The following LCORL variants were observed in gnomAD, a reference collection of about 807,000 sequenced individuals.
The protein encoded by LCORL is ligand-dependent nuclear receptor corepressor-like protein.
LCORL carries 41 observed loss-of-function variants against 141.8 expected under a neutral mutation model. That is an observed-to-expected ratio of 0.29 (90% CI 0.23 to 0.38). The LOEUF is 0.38. Among genes scored for constraint, LCORL ranks in the 10% least tolerant of loss-of-function variants. The pLI is 1.00. For synonymous variants in LCORL, 618 were observed against 694.1 expected (o/e 0.89, Z 1.72); for missense variants, 1,759 against 2,035.0 (o/e 0.86, Z 2.61).
At chr4:17,944,347 A>AT (rs2109496728) in intron 4 of LCORL, among the ~76,000 whole-genome samples, 1 of 152,178 alleles carries the variant, frequency 6.6e-6, no homozygotes, top group African/African-American at 2.4e-5. Flanking sequence ...CCCATTCCAC[A>AT]TTTTTTAACT....
chr4:17,877,455 C>T lies in LCORL; in HGVS notation c.1535G>A (p.Ser512Asn), dbSNP rs1727041277. Residue 512 changes from serine (S) to asparagine (N), a missense_variant, in exon 7 of 8, where the codon AGC becomes AAC. Physicochemically the swap from Ser to Asn is conservative, Grantham distance 46. Coordinates refer to ENST00000635767, the Ensembl canonical transcript of LCORL. Reference sequence around the variant, plus strand: ...TTCATGATTTGTAGTAGAATTATTGCTGTCATTTGAGAGTAAAGAATAAGA... The same window carrying T: ...TTCATGATTTGTAGTAGAATTATTGTTGTCATTTGAGAGTAAAGAATAAGA... The T allele has an allele frequency of 6.5e-6, 8 of 1,228,270 alleles. No individual in the cohort carries two copies. In the Admixed American group the frequency reaches 2.5e-4, roughly 39 times the overall value. 76.1% of individuals were successfully genotyped at this position (1,228,270 alleles called of 1,614,324 possible).
exon 7 of LCORL, chr4:17,876,193 G>A (rs1413410736): frequency 4.9e-6 from 6 of 1,230,766 alleles, no homozygotes; most frequent in African/African-American, 4.7e-5. Flanking sequence ...GAAATCAAGC[G>A]ACCCATATCT....
chr4:17,849,927 A>C (rs1420881969), intron 7 of LCORL, among the ~76,000 whole-genome samples: 2 of 151,800 alleles, frequency 1.3e-5, no homozygotes, highest in Non-Finnish European at 2.9e-5. Flanking sequence ...TGGTACCAAA[A>C]CAGAGATATA....
At position 17,887,806 on chromosome 4, in the gene LCORL, G is replaced by T. The variant is rs1252984784; in HGVS notation, c.683-1645C>A. 1.2e-4 allele frequency among the ~76,000 whole-genome samples: 19 copies of T among 152,096 alleles called. 1 individual carries two copies. Among genetic ancestry groups the T allele is most frequent in the Non-Finnish European group, 1.5e-5 (1 of 68,006 alleles). On this transcript the variant is annotated intron_variant, in intron 5 of 7. Coordinates refer to ENST00000635767, the Ensembl canonical transcript of LCORL. ...CCGCAAGGAGCTAAAGGTGGAGCAGGGAAACCTGCTGGGAAAGTGCTATGC... is the reference window on the plus strand; with the variant it reads ...CCGCAAGGAGCTAAAGGTGGAGCAGTGAAACCTGCTGGGAAAGTGCTATGC...
chr4:17,904,583 G>C (rs1209520648), intron 5 of LCORL, among the ~76,000 whole-genome samples: 2 of 152,048 alleles, frequency 1.3e-5, no homozygotes, highest in Non-Finnish European at 2.9e-5. Flanking sequence ...AGTGGTGTAA[G>C]GTAGGGATCC....
intron 7 of LCORL, among the ~76,000 whole-genome samples, chr4:17,872,064 T>C (rs1553857768): frequency 6.7e-6 from 1 of 148,506 alleles, no homozygotes; most frequent in Non-Finnish European, 1.5e-5. Flanking sequence ...AAACAAGTTT[T>C]AAAAAGAGTA....
intron 4 of LCORL, among the ~76,000 whole-genome samples, chr4:17,918,247 C>G (rs562237808): frequency 2.0e-5 from 3 of 152,306 alleles, no homozygotes; most frequent in Admixed American, 6.5e-5. Flanking sequence ...GGAGGATAAT[C>G]TGATTTCCTG....
exon 8 of LCORL, chr4:17,844,025 G>A (rs976253616): frequency 6.6e-6 from 1 of 151,922 alleles, no homozygotes; most frequent in African/African-American, 2.4e-5. Context: ...TAAAGTATTT[G>A]TATATGGGAG....
At chr4:18,000,159 T>C (rs1721701864) in intron 1 of LCORL, among the ~76,000 whole-genome samples, 1 of 144,444 alleles carries the variant, frequency 6.9e-6, no homozygotes, top group East Asian at 2.1e-4. Flanking sequence ...AAAGAGTGAA[T>C]GTATTAAAAA....
intron 1 of LCORL, among the ~76,000 whole-genome samples, chr4:17,997,152 C>A (rs984061954): frequency 6.6e-6 from 1 of 152,152 alleles, no homozygotes; most frequent in African/African-American, 2.4e-5. Context: ...ACAAACCGAA[C>A]AATTACCTAA....
exon 8 of LCORL, chr4:17,843,062 T>TAAC (rs1227212919): frequency 2.0e-5 from 6 of 296,140 alleles, no homozygotes; most frequent in Non-Finnish European, 3.2e-5. Context: ...TTTTCCTGTA[T>TAAC]AACACCAGGT....
intron 4 of LCORL, among the ~76,000 whole-genome samples, chr4:17,934,355 T>C (rs1336908870): frequency 6.6e-6 from 1 of 152,142 alleles, no homozygotes; most frequent in Non-Finnish European, 1.5e-5. Context: ...TCCTGTTTAG[T>C]TCTTTTATAA....
intron 4 of LCORL, chr4:17,912,076 A>C (rs1732643438): frequency 1.1e-5 from 8 of 716,754 alleles, no homozygotes; most frequent in Admixed American, 7.0e-5. Flanking sequence ...CAGAGACTGG[A>C]GCCATTACTT....
At chr4:17,953,865 T>C (rs1300616731) in intron 4 of LCORL, among the ~76,000 whole-genome samples, 2 of 152,112 alleles carry the variant, frequency 1.3e-5, no homozygotes, top group Non-Finnish European at 2.9e-5. Flanking sequence ...AGGGAGAGTT[T>C]ATAAAAATAA....
chr4:18,000,878 G>T (rs1169027617), intron 1 of LCORL, among the ~76,000 whole-genome samples: 2 of 152,208 alleles, frequency 1.3e-5, no homozygotes, highest in African/African-American at 4.8e-5. Flanking sequence ...GTAAGATCAT[G>T]ATCTGATACA....
chr4:17,850,585 C>T (rs1040357833), intron 7 of LCORL, among the ~76,000 whole-genome samples: 2 of 152,216 alleles, frequency 1.3e-5, no homozygotes, highest in Non-Finnish European at 2.9e-5. Flanking sequence ...AAGATACCAT[C>T]TCACACCAGT....
intron 4 of LCORL, among the ~76,000 whole-genome samples, chr4:17,922,729 A>G (rs368813882): frequency 1.6e-3 from 238 of 152,270 alleles, no homozygotes; most frequent in African/African-American, 5.5e-3. Context: ...AAGTGAGGGC[A>G]GTGACTGTAA....
chr4:17,865,983 C>G (rs1187539296), intron 7 of LCORL, among the ~76,000 whole-genome samples: 1 of 152,206 alleles, frequency 6.6e-6, no homozygotes, highest in Non-Finnish European at 1.5e-5. Flanking sequence ...AATCTCCGCC[C>G]TAAGTGCAAT....
At position 17,946,182 on chromosome 4, in the gene LCORL, T is replaced by C. The variant is rs568561051; in HGVS notation, c.430+15721A>G. On this transcript the variant is annotated intron_variant, in intron 4 of 7. Transcript: ENST00000635767. ...TTATAGAGCAAAACGTTAAGATATC[T>C]AAACATATGGCAACTAAGAAGGTGA... Among the ~76,000 whole-genome samples the C allele has an allele frequency of 1.5e-3, 235 of 152,112 alleles. 1 individual carries two copies. The highest frequency in any genetic ancestry group is 5.4e-3 in the African/African-American group (225 of 41,564).
Sources: gnomAD v4.1 joint callset for allele counts (sites outside exome capture counted in the v4.1 genomes callset) on GRCh38, gnomAD v4.1.1 for gene constraint, MANE v1.5 for transcripts, NCBI Gene and HGNC (gene_info 2026-07-23, HGNC 2026-07-21) for gene names.